Variants in ACSM1 observed in about 807,000 individuals in gnomAD.
ACSM1 encodes the protein acyl-coenzyme A synthetase ACSM1, mitochondrial.
ACSM1 carries 79 observed loss-of-function variants against 75.8 expected under a neutral mutation model. The observed-to-expected ratio is 1.04, with a 90% CI of 0.87 to 1.26. The LOEUF (loss-of-function observed/expected upper bound fraction) is 1.26. Among genes scored for constraint, ACSM1 ranks in the 50% most tolerant of loss-of-function variants. The pLI, the probability that ACSM1 is intolerant of heterozygous loss-of-function variation, is 0.00. For synonymous variants in ACSM1, 279 were observed against 265.8 expected (o/e 1.05, Z -0.48); for missense variants, 676 against 720.1 (o/e 0.94, Z 0.70).
chr16:20,691,404 G>GAACC (rs2079650565), intron 1 of ACSM1, 165 bp from the exon 2 acceptor site: 2 of 497,976 alleles, frequency 4.0e-6, no homozygotes, highest in Non-Finnish European at 7.0e-6. Flanking sequence ...CCCAGCTGAG[G>GAACC]AACCACATGG....
intron 10 of ACSM1, among the ~76,000 whole-genome samples, chr16:20,636,149 A>T (rs1486102143): frequency 6.6e-6 from 1 of 152,204 alleles, no homozygotes; most frequent in Non-Finnish European, 1.5e-5. Flanking sequence ...GGGTCTGGTC[A>T]TCCTTCCATG....
At chr16:20,683,661 T>TG (rs36139670) in intron 3 of ACSM1, among the ~76,000 whole-genome samples, 2 of 137,390 alleles carry the variant, frequency 1.5e-5, no homozygotes, top group East Asian at 4.1e-4. Flanking sequence ...TTTTTTTTTT[T>TG]GAGAGTCTTG....
At chr16:20,653,224 C>A (rs1219141322) in intron 7 of ACSM1, among the ~76,000 whole-genome samples, 2 of 152,150 alleles carry the variant, frequency 1.3e-5, no homozygotes, top group Non-Finnish European at 2.9e-5. Flanking sequence ...TAAAAACTCT[C>A]AATAAATTAG....
intron 10 of ACSM1, among the ~76,000 whole-genome samples, chr16:20,635,906 T>G (rs1357335313): frequency 2.6e-5 from 4 of 152,166 alleles, no homozygotes; most frequent in Non-Finnish European, 2.9e-5. Context: ...CCCAAAGTGC[T>G]GGGATTACAA....
chr16:20,647,317 T>C (rs930392849), intron 7 of ACSM1, among the ~76,000 whole-genome samples: 21 of 152,164 alleles, frequency 1.4e-4, no homozygotes, highest in Non-Finnish European at 1.2e-4. Flanking sequence ...TGAACCTGAA[T>C]GCAAAGAAGG....
At chr16:20,678,941 G>C (rs1461205429) in intron 4 of ACSM1, among the ~76,000 whole-genome samples, 1 of 152,118 alleles carries the variant, frequency 6.6e-6, no homozygotes, top group African/African-American at 2.4e-5. Flanking sequence ...CTGTAGACTA[G>C]AAGAAGTAAC....
rs139046850 is a variant in ACSM1, at chr16:20,671,622, T to G, written c.661A>C (p.Met221Leu). The G allele has an allele frequency of 8.7e-5, 141 of 1,613,552 alleles. No homozygotes were observed. The African/African-American group carries it at 1.7e-3, about 20-fold the overall frequency. ...TCVKSKTLDPMVIFFTSGTTG... is the reference protein window; with the variant it reads ...TCVKSKTLDPLVIFFTSGTTG... ...GTCCCACTGGTGAAGAAGATGACCA[T>G]TGGGTCCAAGGTCTTTGACTTAACA... Residue 221 changes from methionine to leucine, a missense_variant, in exon 5 of 14, where the codon ATG (methionine) becomes CTG (leucine). Coordinates refer to ENST00000520010, the MANE Select transcript of ACSM1 (RefSeq NM_001318890.3).
At chr16:20,630,393 A>C (rs1359339706) in intron 10 of ACSM1, among the ~76,000 whole-genome samples, 1 of 152,170 alleles carries the variant, frequency 6.6e-6, no homozygotes, top group East Asian at 1.9e-4. Context: ...GGTCAAAATA[A>C]AGTTTAAGTT....
chr16:20,694,766 C>T (rs892447900), intron 1 of ACSM1, among the ~76,000 whole-genome samples: 1 of 152,152 alleles, frequency 6.6e-6, no homozygotes, highest in African/African-American at 2.4e-5. Context: ...CAGAACACCA[C>T]TGTATTTGGA....
At chr16:20,672,386 T>G (rs2019964454) in intron 4 of ACSM1, among the ~76,000 whole-genome samples, 1 of 133,016 alleles carries the variant, frequency 7.5e-6, no homozygotes, top group Admixed American at 8.5e-5. Context: ...GAGGCTGAGC[T>G]TGCAGTGAGC....
intron 7 of ACSM1, among the ~76,000 whole-genome samples, chr16:20,660,758 C>A (rs2019253975): frequency 6.6e-6 from 1 of 152,130 alleles, no homozygotes; most frequent in South Asian, 2.1e-4. Flanking sequence ...TTGAACTAGC[C>A]ATTTCAATTT....
At chr16:20,645,563 T>C (rs539727095) in intron 7 of ACSM1, among the ~76,000 whole-genome samples, 33 of 152,328 alleles carry the variant, frequency 2.2e-4, no homozygotes, top group African/African-American at 6.7e-4. Flanking sequence ...TGGATAGATA[T>C]AATATTACTG....
At chr16:20,687,732 A>G (rs2079578428) in intron 2 of ACSM1, among the ~76,000 whole-genome samples, 1 of 152,186 alleles carries the variant, frequency 6.6e-6, no homozygotes, top group Non-Finnish European at 1.5e-5. Context: ...AAAGGAAATT[A>G]GAAAAACTAT....
intron 1 of ACSM1, 79 bp from the exon 2 acceptor site, chr16:20,691,318 G>A: frequency 1.4e-6 from 1 of 727,864 alleles, no homozygotes; most frequent in Non-Finnish European, 2.2e-6. Flanking sequence ...TTGGTTAATT[G>A]CTACAGTTAT....
chr16:20,677,969 A>G (rs1234090494), intron 4 of ACSM1, among the ~76,000 whole-genome samples: 1 of 151,692 alleles, frequency 6.6e-6, no homozygotes, highest in Non-Finnish European at 1.5e-5. Context: ...TGTGGCAGAG[A>G]TGCACTGCAA....
chr16:20,686,831 T>G (rs2079562050), intron 2 of ACSM1, among the ~76,000 whole-genome samples: 2 of 151,524 alleles, frequency 1.3e-5, no homozygotes, highest in Admixed American at 1.3e-4. Context: ...AGTTTAACTA[T>G]GGAAAGTGAT....
At chr16:20,636,588 G>A (rs2017717905) in intron 10 of ACSM1, 151 bp downstream of exon 10, 2 of 624,900 alleles carry the variant, frequency 3.2e-6, no homozygotes, top group Admixed American at 2.9e-5. Flanking sequence ...AGGAAAGGAT[G>A]GGAGAATGCA....
chr16:20,657,098 G>C (rs901449820), intron 7 of ACSM1, among the ~76,000 whole-genome samples: 5 of 152,000 alleles, frequency 3.3e-5, no homozygotes, highest in Non-Finnish European at 5.9e-5. Flanking sequence ...AAGTTGTGAA[G>C]ATAAATATGT....
At position 20,648,315 on chromosome 16, in the gene ACSM1, T is replaced by G. The variant is rs74011809; in HGVS notation, c.993-7731A>C. The stretch of plus-strand genomic sequence containing the variant: ...TCTTTTCTCTCTCTCTTAACCTTTC[T>G]TGCCACTCAACCTGATTTACCAACA... On this transcript the variant is annotated intron_variant, in intron 7 of 13. Coordinates refer to ENST00000520010, the MANE Select transcript of ACSM1 (RefSeq NM_001318890.3). This position sits in a 1 kb window ranked among gnomAD's most constrained non-coding sequence, Gnocchi z 4.2. Among the ~76,000 whole-genome samples, 1,224 of 152,344 alleles carry G rather than the reference T, an allele frequency of 8.0e-3. 7 individuals carry two copies. Among genetic ancestry groups the G allele is most frequent in the African/African-American group, 0.018 (736 of 41,574 alleles).
Sources: gnomAD v4.1 joint callset for allele counts (sites outside exome capture counted in the v4.1 genomes callset) on GRCh38, gnomAD v4.1.1 for gene constraint, Gnocchi (gnomAD v3.1) non-coding constraint, MANE v1.5 for transcripts, NCBI Gene and HGNC (gene_info 2026-07-23, HGNC 2026-07-21) for gene names.